KIAA1328: variants seen among roughly 807,000 people sequenced by gnomAD.
KIAA1328 encodes KIAA1328, also known as protein hinderin.
KIAA1328 carries 52 observed loss-of-function variants against 68.1 expected under a neutral mutation model. The observed-to-expected ratio is 0.76, with a 90% CI of 0.61 to 0.96. The LOEUF is 0.96. Among genes scored for constraint, KIAA1328 ranks in the 40% least tolerant of loss-of-function variants. KIAA1328 has a pLI of 0.00. For synonymous variants in KIAA1328, 232 were observed against 239.4 expected (o/e 0.97, Z 0.28); for missense variants, 641 against 677.6 (o/e 0.95, Z 0.60).
At chr18:37,118,361 A>G (rs1324218319) in intron 7 of KIAA1328, among the ~76,000 whole-genome samples, 4 of 152,124 alleles carry the variant, frequency 2.6e-5, no homozygotes, top group African/African-American at 9.7e-5. Context: ...TCAGCTGGTC[A>G]TGGTTCTTTG....
At chr18:37,022,793 ATTG>A (rs994582035) in intron 6 of KIAA1328, among the ~76,000 whole-genome samples, 1 of 152,198 alleles carries the variant, frequency 6.6e-6, no homozygotes, top group Admixed American at 6.5e-5. Flanking sequence ...CTCTCATTAA[ATTG>A]TTAAGAAATT....
chr18:37,144,814 T>C (rs1421079042), intron 7 of KIAA1328, among the ~76,000 whole-genome samples: 1 of 152,150 alleles, frequency 6.6e-6, no homozygotes, highest in Non-Finnish European at 1.5e-5. Flanking sequence ...ACAGGCGTGA[T>C]CCACCATACC....
At chr18:36,978,728 TC>T (rs1200459561) in intron 6 of KIAA1328, among the ~76,000 whole-genome samples, 1 of 152,224 alleles carries the variant, frequency 6.6e-6, no homozygotes, top group East Asian at 1.9e-4. Context: ...AGATCTTCTT[TC>T]CTATTTCTCC....
chr18:37,043,005 C>T (rs558987145), intron 6 of KIAA1328, among the ~76,000 whole-genome samples: 16 of 152,020 alleles, frequency 1.1e-4, no homozygotes, highest in African/African-American at 2.9e-4. Flanking sequence ...TGCTGTTTCC[C>T]TTCTGCTGTT....
intron 5 of KIAA1328, among the ~76,000 whole-genome samples, chr18:36,933,658 G>A (rs2050394428): frequency 6.6e-6 from 1 of 152,242 alleles, no homozygotes; most frequent in Non-Finnish European, 1.5e-5. Context: ...ACACCCTCTG[G>A]GTTGGGCACC....
chr18:36,940,832 C>T (rs536219546), intron 5 of KIAA1328, among the ~76,000 whole-genome samples: 1 of 152,038 alleles, frequency 6.6e-6, no homozygotes, highest in Non-Finnish European at 1.5e-5. Context: ...CATGCCACCA[C>T]GACCAGCTAA....
chr18:37,092,845 T>C (rs2057303470), intron 7 of KIAA1328, among the ~76,000 whole-genome samples: 1 of 152,138 alleles, frequency 6.6e-6, no homozygotes, highest in Non-Finnish European at 1.5e-5. Flanking sequence ...AAATAACTGT[T>C]GCCACTGTCA....
chr18:37,181,215 C>T (rs1418043791), intron 9 of KIAA1328, among the ~76,000 whole-genome samples: 1 of 151,826 alleles, frequency 6.6e-6, no homozygotes, highest in Non-Finnish European at 1.5e-5. Context: ...AAATGATGCA[C>T]ATAAATTGAT....
rs181026750 is a variant in KIAA1328 at position 37,223,562 on chromosome 18, G to A, written c.*1335G>A. The A allele has an allele frequency of 1.0e-6, 1 of 985,378 alleles. No homozygotes were observed. The highest frequency in any genetic ancestry group is 1.7e-5 in the African/African-American group (1 of 57,348). 61.0% of individuals were successfully genotyped at this position (985,378 alleles called of 1,614,324 possible). The stretch of plus-strand genomic sequence containing the variant: ...AATTTTATTTGATCTGGAGGGTGTG[G>A]CTTTTTTTCTCTCCTTTTTACCAAC... On this transcript the variant is annotated 3_prime_UTR_variant, in exon 10 of 10. Coordinates refer to ENST00000280020, the MANE Select transcript of KIAA1328 (RefSeq NM_020776.3).
intron 4 of KIAA1328, among the ~76,000 whole-genome samples, chr18:36,851,834 A>T (rs1384846145): frequency 1.3e-5 from 2 of 151,020 alleles, no homozygotes; most frequent in East Asian, 3.9e-4. Flanking sequence ...CTTTTTACTT[A>T]GTTTGCTTTT....
intron 7 of KIAA1328, among the ~76,000 whole-genome samples, chr18:37,105,126 T>A (rs2057733989): frequency 6.6e-6 from 1 of 152,212 alleles, no homozygotes; most frequent in Non-Finnish European, 1.5e-5. Flanking sequence ...CTGATTAACA[T>A]GAGTGGGGTT....
intron 9 of KIAA1328, among the ~76,000 whole-genome samples, chr18:37,184,385 G>T (rs889251890): frequency 6.6e-6 from 1 of 152,216 alleles, no homozygotes; most frequent in African/African-American, 2.4e-5. Context: ...TGCACTGGGA[G>T]TTAATTGCAT....
chr18:37,177,477 T>G (rs2059616985), intron 9 of KIAA1328, among the ~76,000 whole-genome samples: 1 of 152,158 alleles, frequency 6.6e-6, no homozygotes, highest in South Asian at 2.1e-4. Context: ...GCTGGTGCTC[T>G]CCCTGTGCCT....
At chr18:37,178,013 T>G (rs2059627501) in intron 9 of KIAA1328, among the ~76,000 whole-genome samples, 1 of 152,100 alleles carries the variant, frequency 6.6e-6, no homozygotes, top group Non-Finnish European at 1.5e-5. Flanking sequence ...TGAAATACAT[T>G]AGGTTAGTGC....
At chr18:36,855,155 C>T (rs749647181) in intron 4 of KIAA1328, among the ~76,000 whole-genome samples, 49 of 151,940 alleles carry the variant, frequency 3.2e-4, no homozygotes, top group Non-Finnish European at 5.7e-4. Flanking sequence ...TTTTCAAATT[C>T]CTTTGGGTAT....
chr18:37,035,958 A>G (rs184982029), intron 6 of KIAA1328, among the ~76,000 whole-genome samples: 4 of 152,092 alleles, frequency 2.6e-5, no homozygotes, highest in Non-Finnish European at 4.4e-5. Flanking sequence ...CTACTTCTCC[A>G]TGCCACCTAA....
chr18:37,226,807 G>A (rs1282830314), downstream of KIAA1328, among the ~76,000 whole-genome samples: 1 of 128,270 alleles, frequency 7.8e-6, no homozygotes, highest in African/African-American at 3.1e-5. Flanking sequence ...CGTTCTTGTT[G>A]CCTAGGCTGG....
downstream of KIAA1328, among the ~76,000 whole-genome samples, chr18:37,226,916 C>G (rs1167699889): frequency 2.0e-5 from 3 of 152,124 alleles, no homozygotes; most frequent in African/African-American, 7.2e-5. Context: ...TACAGGCATT[C>G]GCCACCACGC....
intron 5 of KIAA1328, among the ~76,000 whole-genome samples, chr18:36,947,140 G>A (rs769423557): frequency 1.3e-5 from 2 of 152,056 alleles, no homozygotes; most frequent in African/African-American, 2.4e-5. Context: ...CTCCAGCCTG[G>A]GCGACAGAGC....
Sources: gnomAD v4.1 joint callset for allele counts (sites outside exome capture counted in the v4.1 genomes callset) on GRCh38, gnomAD v4.1.1 for gene constraint, MANE v1.5 for transcripts, NCBI Gene and HGNC (gene_info 2026-07-23, HGNC 2026-07-21) for gene names.